RFWD3: variants seen among roughly 807,000 people sequenced by gnomAD.
RFWD3 encodes ring finger and WD repeat domain 3, also known as E3 ubiquitin-protein ligase RFWD3.
RFWD3 carries 65 observed loss-of-function variants against 87.7 expected under a neutral mutation model. The ratio of observed to expected loss-of-function variants is 0.74; its 90% CI spans 0.61 to 0.91. RFWD3 has a LOEUF of 0.91. RFWD3 is among the 40% of genes least tolerant of loss of function. RFWD3 has a pLI of 0.00. For missense variants in RFWD3, 1,078 were observed against 938.5 expected, an observed-to-expected ratio of 1.15 and a Z score of -1.94; for synonymous variants, 433 against 352.8, an observed-to-expected ratio of 1.23 and a Z score of -2.55.
intron 7 of RFWD3, 34 bp from the exon 8 acceptor site, chr16:74,636,611 TTTTAA>T (rs1959202682): frequency 6.7e-7 from 1 of 1,489,522 alleles, no homozygotes. Context: ...ATACAAAGCT[TTTTAA>T]TTTGATATTC....
In RFWD3 at chr16:74,661,282, A is replaced by C. The variant is rs759144486; in HGVS notation, c.168T>G (p.Ala56=). ...SQGVPSILQP[A]PAEVISSQAT... ...CTTGGCTGCTGATCACCTCAGCAGG[A>C]GCTGGCTGGAGGATGGATGGTACCC... Residue 56 remains alanine (A), a synonymous_variant, in exon 2 of 13, where the codon GCT becomes GCG. Transcript: ENST00000361070. 24 of 1,614,030 alleles carry C rather than the reference A, an allele frequency of 1.5e-5. No individual in the cohort carries two copies. Among genetic ancestry groups the C allele is most frequent in the Admixed American group, 1.0e-4 (6 of 59,996 alleles).
intron 3 of RFWD3, among the ~76,000 whole-genome samples, chr16:74,650,690 G>A (rs1051464291): frequency 2.0e-5 from 3 of 151,914 alleles, no homozygotes; most frequent in African/African-American, 7.3e-5. Context: ...AAACCTTCAA[G>A]CCTGGACAAC....
chr16:74,661,452 C>G lies in RFWD3; in HGVS notation c.-2-1G>C, dbSNP rs1961432822. 1.3e-6 allele frequency: 2 copies of G among 1,590,212 alleles called. No homozygotes were observed. The highest frequency in any genetic ancestry group is 1.7e-6 in the Non-Finnish European group (2 of 1,170,482). Reference sequence around the variant, plus strand: ...TATTCCATTGCTTCATGAGCCATCACTAGAGAAACAGTATTTGTAAAAAGT... The same window carrying G: ...TATTCCATTGCTTCATGAGCCATCAGTAGAGAAACAGTATTTGTAAAAAGT... On this transcript the variant is annotated splice_acceptor_variant, in intron 1 of 12. Transcript: ENST00000361070. LOFTEE classifies it low-confidence loss of function (5UTR_SPLICE).
Position 74,637,903 on chromosome 16 carries a change from G to A in RFWD3, c.1147C>T (p.Leu383=). Residue 383 remains leucine, a synonymous_variant, in exon 7 of 13, where the codon CTG becomes TTG. Transcript: ENST00000361070. ...ELESAQCRLQ[L]QVLTDKCTRL... ...GTGCACTTATCAGTGAGGACCTGCAGTTGGAGTCGGCACTGTGCTGATTCT... is the reference window on the plus strand; with the variant it reads ...GTGCACTTATCAGTGAGGACCTGCAATTGGAGTCGGCACTGTGCTGATTCT... 6.2e-7 allele frequency: 1 copy of A among 1,612,920 alleles called. No individual in the cohort carries two copies. Among genetic ancestry groups the A allele is most frequent in the Non-Finnish European group, 8.5e-7 (1 of 1,179,852 alleles).
At chr16:74,631,008 T>C (rs766670096) in intron 9 of RFWD3, 51 bp from the exon 10 acceptor site, 1 of 1,453,252 alleles carries the variant, frequency 6.9e-7, no homozygotes, top group African/African-American at 1.4e-5. Flanking sequence ...ATCAAATACA[T>C]GACAAAGATG....
At chr16:74,636,012 T>C (rs550911478) in intron 8 of RFWD3, among the ~76,000 whole-genome samples, 68 of 152,356 alleles carry the variant, frequency 4.5e-4, no homozygotes, top group Non-Finnish European at 8.8e-5. Flanking sequence ...CTTAGGGCTG[T>C]GTTTTGTCAA....
chr16:74,643,674 T>C (rs983166042), intron 6 of RFWD3, among the ~76,000 whole-genome samples: 13 of 112,286 alleles, frequency 1.2e-4, no homozygotes, highest in Non-Finnish European at 1.6e-4. Context: ...CAACTGTTTT[T>C]TTTTTTTTTT....
At chr16:74,637,718 T>C in intron 7 of RFWD3, 138 bp downstream of exon 7, 1 of 602,228 alleles carries the variant, frequency 1.7e-6, no homozygotes, top group South Asian at 1.9e-5. Flanking sequence ...TAATCAGAAA[T>C]AAAATAAGGA....
intron 6 of RFWD3, among the ~76,000 whole-genome samples, chr16:74,639,344 G>A (rs1356738661): frequency 6.6e-6 from 1 of 152,172 alleles, no homozygotes; most frequent in Non-Finnish European, 1.5e-5. Context: ...AGTGCGCTAA[G>A]CCATTTCAAT....
At position 74,636,519 on chromosome 16, in the gene RFWD3, T is replaced by A. The variant is rs544324816; in HGVS notation, c.1253A>T (p.Gln418Leu). The A allele has an allele frequency of 6.2e-7, 1 of 1,614,042 alleles. No homozygotes were observed. The highest frequency in any genetic ancestry group is 2.2e-5 in the East Asian group (1 of 44,874). Residue 418 changes from glutamine to leucine, a missense_variant, in exon 8 of 13, where the codon CAA becomes CTA. Gln to Leu is a moderately radical substitution (Grantham distance 113). Coordinates refer to ENST00000361070, the MANE Select transcript of RFWD3 (RefSeq NM_018124.4). ...SQNLQQPRGSQAWVLSCSPSS... is the reference protein window; with the variant it reads ...SQNLQQPRGSLAWVLSCSPSS... The stretch of plus-strand genomic sequence containing the variant: ...GGGTGAGCAGCTCAGGACCCATGCT[T>A]GGGAGCCCCTGGGTTGCTGTAAATT...
chr16:74,660,271 A>C (rs1207892977), intron 2 of RFWD3, among the ~76,000 whole-genome samples: 21 of 152,154 alleles, frequency 1.4e-4, no homozygotes, highest in Admixed American at 1.4e-3. Flanking sequence ...CTCCATCTCA[A>C]AACAAAACAA....
chr16:74,663,584 T>C (rs1278782248), intron 1 of RFWD3, among the ~76,000 whole-genome samples: 1 of 152,178 alleles, frequency 6.6e-6, no homozygotes, highest in Non-Finnish European at 1.5e-5. Flanking sequence ...ATATGTATCT[T>C]TCTCTCTCCA....
intron 6 of RFWD3, among the ~76,000 whole-genome samples, chr16:74,638,679 C>T (rs531340123): frequency 6.6e-6 from 1 of 152,280 alleles, no homozygotes; most frequent in Non-Finnish European, 1.5e-5. Flanking sequence ...CGCTGCTGGA[C>T]TCAAGACCAA....
At position 74,636,488 on chromosome 16, in the gene RFWD3, G is replaced by A; in HGVS notation, c.1284C>T (p.Ser428=). The A allele has an allele frequency of 6.2e-7, 1 of 1,614,072 alleles. No homozygotes were observed. Among genetic ancestry groups the A allele is most frequent in the South Asian group, 1.1e-5 (1 of 91,072 alleles). The change falls in exon 8 of 13, where the codon AGC becomes AGT. Residue 428 remains serine (S), a synonymous_variant. Transcript: ENST00000361070. ...GGTACTTGTGCTTGTGCTGGCCCTG[G>A]CTGGAGGGTGAGCAGCTCAGGACCC... ...QAWVLSCSPS[S]QGQHKHKYHF...
At chr16:74,655,736 G>A (rs1960927373) in intron 2 of RFWD3, among the ~76,000 whole-genome samples, 1 of 151,014 alleles carries the variant, frequency 6.6e-6, no homozygotes, top group Admixed American at 6.6e-5. Context: ...TGTTAGCCAG[G>A]ATGGTCTCAC....
At chr16:74,635,555 T>C (rs1959188918) in intron 8 of RFWD3, among the ~76,000 whole-genome samples, 1 of 151,888 alleles carries the variant, frequency 6.6e-6, no homozygotes, top group African/African-American at 2.4e-5. Context: ...ACCAGCACAC[T>C]ATCAAGCGGA....
chr16:74,642,001 T>C (rs1179493244), intron 6 of RFWD3, among the ~76,000 whole-genome samples: 1 of 150,952 alleles, frequency 6.6e-6, no homozygotes, highest in African/African-American at 2.4e-5. Context: ...TCATACTATG[T>C]ATAATTTACA....
Position 74,628,636 on chromosome 16 carries a change from G to A in RFWD3, c.1785C>T (p.Pro595=). Residue 595 remains proline, a synonymous_variant, in exon 11 of 13, where the codon CCC becomes CCT. Coordinates refer to ENST00000361070, the MANE Select transcript of RFWD3 (RefSeq NM_018124.4). ...ATGGAAATGCAGCTGAGGCAGCTCT[G>A]GGCATGTATGACAGGGAGACCAGTG... ...RCPLVSLSYM[P]RAASAAFPYG... is the part of the protein sequence containing the mutation. The A allele has an allele frequency of 1.2e-6, 2 of 1,614,150 alleles. No homozygotes were observed. The highest frequency in any genetic ancestry group is 1.7e-6 in the Non-Finnish European group (2 of 1,180,038).
At position 74,637,737 on chromosome 16, in the gene RFWD3, T is replaced by C. The variant is rs1597425115; in HGVS notation, c.1194+119A>G. 4.4e-6 allele frequency: 3 copies of C among 685,926 alleles called. No homozygotes were observed. In the East Asian group the frequency reaches 8.7e-5, roughly 20 times the overall value. 42.5% of individuals were successfully genotyped at this position (685,926 alleles called of 1,614,324 possible). ...CAGAAATAAAATAAGGAGTTGGTCA[T>C]GTTCATTTCCTAAACAACTTGGCAA... On this transcript the variant is annotated intron_variant, in intron 7 of 12. Transcript: ENST00000361070.
Sources: allele counts gnomAD v4.1 joint callset (sites outside exome capture counted in the v4.1 genomes callset), GRCh38; gene constraint gnomAD v4.1.1; transcripts MANE v1.5; gene names NCBI Gene and HGNC (gene_info 2026-07-23, HGNC 2026-07-21).